RGS6: variants seen among roughly 807,000 people sequenced by gnomAD.
RGS6 encodes regulator of G-protein signaling 6.
A neutral mutation model predicts 78.5 loss-of-function variants in RGS6; 30 were observed. That is an observed-to-expected ratio of 0.38 (90% CI 0.29 to 0.52). RGS6 has a LOEUF of 0.52. Among genes scored for constraint, RGS6 ranks in the 20% least tolerant of loss-of-function variants. RGS6 has a pLI of 0.85. For missense variants in RGS6, 495 were observed against 609.7 expected, an observed-to-expected ratio of 0.81 and a Z score of 1.98; for synonymous variants, 206 against 206.0, an observed-to-expected ratio of 1.00 and a Z score of 0.00.
At chr14:72,259,496 G>T (rs61997488) in intron 2 of RGS6, among the ~76,000 whole-genome samples, 3 of 152,150 alleles carry the variant, frequency 2.0e-5, no homozygotes, top group Non-Finnish European at 4.4e-5. Flanking sequence ...TCCCTGAGAG[G>T]ATTGATTGAT....
chr14:72,300,497 G>A (rs2065825181), intron 2 of RGS6, among the ~76,000 whole-genome samples: 1 of 152,178 alleles, frequency 6.6e-6, no homozygotes, highest in Admixed American at 6.5e-5. Context: ...GTCACACTTT[G>A]ATAAGATATA....
chr14:72,450,423 T>C (rs111253974), intron 3 of RGS6, among the ~76,000 whole-genome samples: 6 of 152,318 alleles, frequency 3.9e-5, no homozygotes, highest in Admixed American at 1.3e-4. Flanking sequence ...AAATATATCC[T>C]TAAATATACT....
intron 2 of RGS6, among the ~76,000 whole-genome samples, chr14:72,315,785 A>G (rs2069990324): frequency 6.6e-6 from 1 of 152,236 alleles, no homozygotes; most frequent in African/African-American, 2.4e-5. Flanking sequence ...TAACTAGTCC[A>G]GAGCCACATG....
intron 2 of RGS6, among the ~76,000 whole-genome samples, chr14:72,129,051 C>T (rs571584829): frequency 6.6e-6 from 1 of 152,196 alleles, no homozygotes; most frequent in South Asian, 2.1e-4. Context: ...AAACTCCTAT[C>T]GATCGTTTAG....
chr14:72,225,646 G>A (rs537002966), intron 2 of RGS6, among the ~76,000 whole-genome samples: 1 of 152,098 alleles, frequency 6.6e-6, no homozygotes, highest in African/African-American at 2.4e-5. Flanking sequence ...ATTCGCTTTA[G>A]GAAAAAGAAA....
At chr14:72,414,846 A>C (rs1320804127) in intron 3 of RGS6, among the ~76,000 whole-genome samples, 4 of 152,202 alleles carry the variant, frequency 2.6e-5, no homozygotes, top group African/African-American at 9.6e-5. Flanking sequence ...GCGTATCAGC[A>C]GTGGTGGCTG....
intron 2 of RGS6, among the ~76,000 whole-genome samples, chr14:72,349,930 T>C (rs1254597597): frequency 1.3e-5 from 2 of 152,190 alleles, no homozygotes. Context: ...ATACTTCTGG[T>C]TTCAAATAAT....
At chr14:72,174,893 C>G (rs757836497) in intron 2 of RGS6, among the ~76,000 whole-genome samples, 5 of 152,226 alleles carry the variant, frequency 3.3e-5, no homozygotes, top group Non-Finnish European at 5.9e-5. Context: ...AGCATTTTCT[C>G]TACTGGCTAT....
intron 2 of RGS6, among the ~76,000 whole-genome samples, chr14:72,100,047 G>A (rs1013203050): frequency 2.6e-5 from 4 of 152,160 alleles, no homozygotes; most frequent in Non-Finnish European, 5.9e-5. Context: ...AGGAAAATTG[G>A]TTGAGACTGT....
At chr14:72,342,725 C>CAAAAAAAAAAAAAAAAAAAAAAAAAAAA (rs58717636) in intron 2 of RGS6, among the ~76,000 whole-genome samples, 1 of 71,412 alleles carries the variant, frequency 1.4e-5, no homozygotes, top group Non-Finnish European at 2.5e-5. Context: ...GGCTTTGTCT[C>CAAAAAAAAAAAAAAAAAAAAAAAAAAAA]AAAAAAAAAA....
At chr14:72,360,363 T>C in intron 3 of RGS6, among the ~76,000 whole-genome samples, 1 of 149,568 alleles carries the variant, frequency 6.7e-6, no homozygotes, top group Admixed American at 6.8e-5. Context: ...CTACTAAAAA[T>C]ACAAAAAAAT....
At chr14:72,076,643 C>A (rs763893200) in intron 2 of RGS6, among the ~76,000 whole-genome samples, 8 of 152,128 alleles carry the variant, frequency 5.3e-5, no homozygotes, top group Non-Finnish European at 1.0e-4. Context: ...ATCCTCCCAC[C>A]TAAACCTCCT....
chr14:72,439,365 T>G (rs913198032), intron 3 of RGS6, among the ~76,000 whole-genome samples: 2 of 152,116 alleles, frequency 1.3e-5, no homozygotes, highest in African/African-American at 4.8e-5. Flanking sequence ...GTTTCTTCAG[T>G]TATAAAATGG....
chr14:72,365,928 G>A (rs190693757), intron 3 of RGS6, among the ~76,000 whole-genome samples: 65 of 152,188 alleles, frequency 4.3e-4, no homozygotes, highest in African/African-American at 1.4e-3. Flanking sequence ...AGGGTTATTT[G>A]GGTAGCACTG....
At chr14:72,132,362 C>T (rs192427717) in intron 2 of RGS6, among the ~76,000 whole-genome samples, 44 of 151,784 alleles carry the variant, frequency 2.9e-4, no homozygotes, top group Non-Finnish European at 4.4e-4. Context: ...CTGAAACCTC[C>T]ACCTCCTGGG....
chr14:72,390,883 C>T (rs1166132456), intron 3 of RGS6, among the ~76,000 whole-genome samples: 1 of 152,170 alleles, frequency 6.6e-6, no homozygotes, highest in Admixed American at 6.5e-5. Context: ...TATTCCAGGA[C>T]TGAGATGTAG....
At chr14:72,583,715 C>T in the RGS6 span, among the ~76,000 whole-genome samples, 6 of 152,294 alleles carry the variant, frequency 3.9e-5, no homozygotes, top group Admixed American at 1.3e-4. Context: ...CCAGGCCTCA[C>T]GGGGTCTCTT....
At chr14:72,359,448 C>T (rs1185008187) in intron 3 of RGS6, among the ~76,000 whole-genome samples, 2 of 152,078 alleles carry the variant, frequency 1.3e-5, no homozygotes, top group Non-Finnish European at 2.9e-5. Context: ...CAAGTTTTAG[C>T]GACCTATTAG....
At chr14:72,147,368 A>G (rs2096566903) in intron 2 of RGS6, among the ~76,000 whole-genome samples, 1 of 152,216 alleles carries the variant, frequency 6.6e-6, no homozygotes, top group Non-Finnish European at 1.5e-5. Flanking sequence ...GGTAATTTAT[A>G]AAGAAAAGAA....
Sources: allele counts gnomAD v4.1 joint callset (sites outside exome capture counted in the v4.1 genomes callset), GRCh38; gene constraint gnomAD v4.1.1; transcripts MANE v1.5; gene names NCBI Gene and HGNC (gene_info 2026-07-23, HGNC 2026-07-21).